Variants in ADK observed in about 807,000 individuals in gnomAD.
ADK encodes adenosine kinase, also known as N6,N6-dimethyladenosine kinase.
Under a neutral mutation model 44.7 loss-of-function variants are expected in ADK, and 24 were observed. That is an observed-to-expected ratio of 0.54 (90% CI 0.39 to 0.76). ADK has a LOEUF of 0.76. Among genes scored for constraint, ADK ranks in the 30% least tolerant of loss-of-function variants. The probability of loss-of-function intolerance (pLI) is 0.00; values close to 1 mark genes in which losing one functional copy is unlikely to be tolerated. For missense variants in ADK, 321 were observed against 425.1 expected (o/e 0.76, Z 2.15); for synonymous variants, 128 against 142.6 (o/e 0.90, Z 0.73).
intron 6 of ADK, among the ~76,000 whole-genome samples, chr10:74,453,124 GA>G (rs1845830159): frequency 6.6e-6 from 1 of 151,910 alleles, no homozygotes; most frequent in African/African-American, 2.4e-5. Context: ...TCACAAATGA[GA>G]TTTTTTTAAA....
intron 2 of ADK, among the ~76,000 whole-genome samples, chr10:74,218,897 C>T (rs529693867): frequency 1.3e-4 from 20 of 152,176 alleles, no homozygotes; most frequent in African/African-American, 4.8e-4. Context: ...ACAACCGGTA[C>T]CAGCTGCTGC....
intron 6 of ADK, chr10:74,508,365 A>G (rs1589190240): frequency 6.6e-6 from 1 of 152,208 alleles, no homozygotes; most frequent in South Asian, 2.1e-4. Flanking sequence ...TGTAACATAA[A>G]ACTCACTTTT....
chr10:74,403,130 T>C (rs1358195075), intron 6 of ADK, among the ~76,000 whole-genome samples: 2 of 152,100 alleles, frequency 1.3e-5, no homozygotes, highest in Non-Finnish European at 2.9e-5. Flanking sequence ...GGCGCCCAGT[T>C]GTATGAGGTG....
intron 4 of ADK, among the ~76,000 whole-genome samples, chr10:74,358,403 A>G (rs1225993600): frequency 6.6e-6 from 1 of 152,196 alleles, no homozygotes; most frequent in African/African-American, 2.4e-5. Flanking sequence ...AATACAAAAT[A>G]ACTGTGGTCC....
chr10:74,216,468 T>C (rs2132211829), intron 2 of ADK, among the ~76,000 whole-genome samples: 1 of 152,214 alleles, frequency 6.6e-6, no homozygotes, highest in South Asian at 2.1e-4. Flanking sequence ...CTCGCACCTG[T>C]AATCCTAGTA....
Position 74,151,247 on chromosome 10 carries a change from C to T in ADK, c.-32C>T, listed in dbSNP as rs548595704. The stretch of plus-strand genomic sequence containing the variant: ...CCAGAGAGTGGATGGCAGAGGTGGG[C>T]TGTAGAGCCAAAGTGGGGTGGGAGC... On this transcript the variant is annotated 5_prime_UTR_variant, in exon 1 of 11. Transcript: ENST00000539909. The T allele has an allele frequency of 1.9e-6, 3 of 1,549,294 alleles. No homozygotes were observed. Among genetic ancestry groups the T allele is most frequent in the East Asian group, 2.4e-5 (1 of 40,896 alleles).
chr10:74,222,177 A>C (rs1270952916), intron 2 of ADK, among the ~76,000 whole-genome samples: 1 of 152,226 alleles, frequency 6.6e-6, no homozygotes, highest in Non-Finnish European at 1.5e-5. Context: ...AAAAACAAAC[A>C]ACCCCATCAA....
At chr10:74,604,121 T>C (rs1357822476) in intron 9 of ADK, among the ~76,000 whole-genome samples, 1 of 152,228 alleles carries the variant, frequency 6.6e-6, no homozygotes, top group East Asian at 1.9e-4. Flanking sequence ...TGTAAATTTG[T>C]TTAAGTTCTT....
chr10:74,629,205 A>G (rs1046868919), intron 9 of ADK, among the ~76,000 whole-genome samples: 1 of 151,898 alleles, frequency 6.6e-6, no homozygotes, highest in Non-Finnish European at 1.5e-5. Context: ...ATTTTTTTCT[A>G]TTCTTTTAGA....
chr10:74,262,199 A>C (rs1159417641), intron 3 of ADK, among the ~76,000 whole-genome samples: 1 of 151,962 alleles, frequency 6.6e-6, no homozygotes, highest in African/African-American at 2.4e-5. Context: ...GGTGCCTGTA[A>C]ATCCCAGCCA....
intron 7 of ADK, among the ~76,000 whole-genome samples, chr10:74,572,472 G>A (rs1370454976): frequency 7.9e-5 from 12 of 152,056 alleles, no homozygotes; most frequent in Non-Finnish European, 1.3e-4. Flanking sequence ...GAATCTGACA[G>A]TTATGTGTCT....
At chr10:74,618,461 TTG>T (rs1179317159) in intron 9 of ADK, among the ~76,000 whole-genome samples, 2 of 152,152 alleles carry the variant, frequency 1.3e-5, no homozygotes, top group African/African-American at 4.8e-5. Flanking sequence ...CAGCTAGTTT[TTG>T]TGTTTTTATT....
At chr10:74,599,920 A>G (rs1425091238) in intron 8 of ADK, among the ~76,000 whole-genome samples, 1 of 152,142 alleles carries the variant, frequency 6.6e-6, no homozygotes, top group African/African-American at 2.4e-5. Context: ...AAATAATTAA[A>G]TTTTCCTCTT....
intron 6 of ADK, among the ~76,000 whole-genome samples, chr10:74,480,031 C>T (rs1157389927): frequency 6.6e-6 from 1 of 152,062 alleles, no homozygotes; most frequent in Non-Finnish European, 1.5e-5. Flanking sequence ...ATACATTTCT[C>T]AGGAAAGGCG....
At chr10:74,442,841 A>G (rs1354247192) in intron 6 of ADK, among the ~76,000 whole-genome samples, 1 of 152,210 alleles carries the variant, frequency 6.6e-6, no homozygotes, top group African/African-American at 2.4e-5. Context: ...TTAAAAAAGA[A>G]GGAAATCCTG....
At chr10:74,338,263 A>T (rs1348880951) in intron 4 of ADK, among the ~76,000 whole-genome samples, 1 of 152,242 alleles carries the variant, frequency 6.6e-6, no homozygotes, top group Non-Finnish European at 1.5e-5. Context: ...ATATGTGGAT[A>T]GCGAAAGTAA....
intron 7 of ADK, among the ~76,000 whole-genome samples, chr10:74,553,455 T>C (rs1243270330): frequency 6.6e-6 from 1 of 151,994 alleles, no homozygotes; most frequent in Non-Finnish European, 1.5e-5. Flanking sequence ...CTCCTCGGCC[T>C]CCCAAAGTGC....
intron 8 of ADK, among the ~76,000 whole-genome samples, chr10:74,598,127 A>G (rs1851986087): frequency 6.6e-6 from 1 of 152,208 alleles, no homozygotes; most frequent in African/African-American, 2.4e-5. Flanking sequence ...TCATACAAAT[A>G]GTAAATCCAA....
At chr10:74,619,407 A>G (rs1209470178) in intron 9 of ADK, among the ~76,000 whole-genome samples, 1 of 151,794 alleles carries the variant, frequency 6.6e-6, no homozygotes, top group Non-Finnish European at 1.5e-5. Context: ...GTGAGCCAAG[A>G]TCGCACCACT....
Sources: allele counts gnomAD v4.1 joint callset (sites outside exome capture counted in the v4.1 genomes callset), GRCh38; gene constraint gnomAD v4.1.1; transcripts MANE v1.5; gene names NCBI Gene and HGNC (gene_info 2026-07-23, HGNC 2026-07-21).